The following CLEC12A variants were observed in gnomAD, a reference collection of about 807,000 sequenced individuals.
CLEC12A encodes the protein C-type lectin domain family 12 member A, also known as C-type lectin protein CLL-1.
CLEC12A carries 22 observed loss-of-function variants against 26.5 expected under a neutral mutation model. That is an observed-to-expected ratio of 0.83 (90% CI 0.59 to 1.19). The LOEUF (loss-of-function observed/expected upper bound fraction) is 1.19, where lower values mean the gene tolerates loss of function less well. Among genes scored for constraint, CLEC12A ranks in the 50% most tolerant of loss-of-function variants. The pLI is 0.00. For synonymous variants in CLEC12A, 119 were observed against 101.9 expected, an observed-to-expected ratio of 1.17 and a Z score of -1.01; for missense variants, 353 against 315.6, an observed-to-expected ratio of 1.12 and a Z score of -0.90.
At chr12:9,952,643 G>A (rs1393069211) in intron 1 of CLEC12A, 1 of 158,398 alleles carries the variant, frequency 6.3e-6, no homozygotes, top group African/African-American at 2.5e-5. Flanking sequence ...CCCATCGTCT[G>A]GGATGTGAGG....
At chr12:9,957,513 C>G (rs1413192149) in intron 1 of CLEC12A, among the ~76,000 whole-genome samples, 1 of 146,002 alleles carries the variant, frequency 6.8e-6, no homozygotes. Flanking sequence ...AACAAAAAAA[C>G]AAAAAAAAGG....
At chr12:9,997,582 C>G (rs1346069055), downstream of CLEC12A, among the ~76,000 whole-genome samples, 1 of 152,152 alleles carries the variant, frequency 6.6e-6, no homozygotes, top group Non-Finnish European at 1.5e-5. Context: ...AGCTTCTCAG[C>G]TGAGTTATAG....
intron 1 of CLEC12A, among the ~76,000 whole-genome samples, chr12:9,954,841 TA>T (rs1863716888): frequency 6.6e-6 from 1 of 152,222 alleles, no homozygotes; most frequent in Non-Finnish European, 1.5e-5. Flanking sequence ...AGATCATTTG[TA>T]AAATAAAAAT....
chr12:9,974,141 A>G (rs910297462), intron 1 of CLEC12A, among the ~76,000 whole-genome samples: 2 of 152,122 alleles, frequency 1.3e-5, no homozygotes, highest in Non-Finnish European at 1.5e-5. Flanking sequence ...CAATAGTCAC[A>G]TGTCTCTTCC....
chr12:9,961,813 C>G (rs1863833566), intron 1 of CLEC12A, among the ~76,000 whole-genome samples: 1 of 152,144 alleles, frequency 6.6e-6, no homozygotes, highest in South Asian at 2.1e-4. Flanking sequence ...ACATATGGTT[C>G]AGAAAATGAT....
chr12:9,991,190 A>G (rs1864885520), intron 4 of CLEC12A: 1 of 152,180 alleles, frequency 6.6e-6, no homozygotes, highest in Non-Finnish European at 1.5e-5. Context: ...CAGAAGTCAA[A>G]TTTTGCTGGA....
chr12:9,983,788 G>A (rs1864655930), intron 5 of CLEC12A: 6 of 370,626 alleles, frequency 1.6e-5, no homozygotes, highest in Non-Finnish European at 2.9e-5. Context: ...GTAGGAGTGT[G>A]GGTCAGAAAG....
chr12:9,972,384 T>A (rs996316672), intron 1 of CLEC12A, among the ~76,000 whole-genome samples: 3 of 152,292 alleles, frequency 2.0e-5, no homozygotes, highest in African/African-American at 7.2e-5. Flanking sequence ...GACTTTCACT[T>A]AAACAAAACT....
Position 9,984,882 on chromosome 12 carries a change from C to G in CLEC12A, c.654C>G (p.Asn218Lys), listed in dbSNP as rs759016873. Residue 218 changes from asparagine (N) to lysine (K), a missense_variant, in exon 6 of 6, where the codon AAC (asparagine) becomes AAG (lysine). Coordinates refer to ENST00000304361, the MANE Select transcript of CLEC12A (RefSeq NM_138337.6). Reference protein sequence around the residue: ...IINSSAWVIRNAPDLNNMYCG... With the variant: ...IINSSAWVIRKAPDLNNMYCG... ...CTTTCTCTTTCAGGGTTATAAGAAACGCACCTGACTTAAATAACATGTATT... is the reference window on the plus strand; with the variant it reads ...CTTTCTCTTTCAGGGTTATAAGAAAGGCACCTGACTTAAATAACATGTATT... 6.0e-6 allele frequency: 9 copies of G among 1,508,436 alleles called. No homozygotes were observed. Among genetic ancestry groups the G allele is most frequent in the Non-Finnish European group, 8.0e-6 (9 of 1,126,628 alleles). 93.4% of individuals were successfully genotyped at this position (1,508,436 alleles called of 1,614,324 possible). A position where few individuals can be genotyped will look rare whatever the true frequency, so the allele number is the denominator to read the frequency against.
At chr12:9,977,567 C>T (rs1163277042) in intron 1 of CLEC12A, among the ~76,000 whole-genome samples, 4 of 152,154 alleles carry the variant, frequency 2.6e-5, no homozygotes, top group Non-Finnish European at 5.9e-5. Context: ...GTAATTGCTA[C>T]CTGTAATGTT....
chr12:9,967,160 A>G (rs2922161), upstream of CLEC12A, among the ~76,000 whole-genome samples: 86,414 of 150,626 alleles, frequency 0.57, 25,133 homozygotes, highest in South Asian at 0.72. Context: ...GAGAGGTCAC[A>G]TGGGTTTGTA....
chr12:9,970,300 A>G (rs1053618485), upstream of CLEC12A, among the ~76,000 whole-genome samples: 1 of 151,684 alleles, frequency 6.6e-6, no homozygotes, highest in African/African-American at 2.4e-5. Flanking sequence ...TATCTGTAAT[A>G]TTTTCCTATT....
At chr12:9,984,706 CAATT>C (rs898229049) in intron 5 of CLEC12A, among the ~76,000 whole-genome samples, 160 bp from the exon 6 acceptor site, 43 of 152,128 alleles carry the variant, frequency 2.8e-4, no homozygotes, top group Non-Finnish European at 1.9e-4. Flanking sequence ...TTAACATAAA[CAATT>C]AACTCGGACA....
At chr12:10,001,141 T>C in the CLEC12A span, among the ~76,000 whole-genome samples, 1 of 152,242 alleles carries the variant, frequency 6.6e-6, no homozygotes, top group Non-Finnish European at 1.5e-5. Flanking sequence ...TTTTTGTTTA[T>C]TAACAAAAAC....
chr12:9,993,990 G>T (rs993080864), intron 4 of CLEC12A, among the ~76,000 whole-genome samples: 2 of 151,980 alleles, frequency 1.3e-5, no homozygotes, highest in Non-Finnish European at 2.9e-5. Context: ...GGGCGATACC[G>T]GTAAGAAGCC....
At chr12:9,999,124 G>A (rs1334683172), downstream of CLEC12A, 9 of 1,552,010 alleles carry the variant, frequency 5.8e-6, no homozygotes, top group Non-Finnish European at 7.9e-6. Flanking sequence ...CTGCAACTGA[G>A]CTCAGAGTTC....
intron 1 of CLEC12A, among the ~76,000 whole-genome samples, chr12:9,976,432 G>T (rs1864338742): frequency 6.6e-6 from 1 of 152,146 alleles, no homozygotes; most frequent in Non-Finnish European, 1.5e-5. Flanking sequence ...TTTAAGATTT[G>T]GTGCCCTTTG....
At chr12:9,998,857 T>C (rs1865117081), downstream of CLEC12A, among the ~76,000 whole-genome samples, 1 of 152,192 alleles carries the variant, frequency 6.6e-6, no homozygotes. Context: ...ATATTGGATG[T>C]TTGTAATCTA....
At chr12:9,957,348 T>A (rs2137096645) in intron 1 of CLEC12A, among the ~76,000 whole-genome samples, 1 of 151,634 alleles carries the variant, frequency 6.6e-6, no homozygotes, top group East Asian at 1.9e-4. Flanking sequence ...ATTAGCTGGG[T>A]GTGGTGGTGC....
Sources: allele counts gnomAD v4.1 joint callset (sites outside exome capture counted in the v4.1 genomes callset), GRCh38; gene constraint gnomAD v4.1.1; transcripts MANE v1.5; gene names NCBI Gene and HGNC (gene_info 2026-07-23, HGNC 2026-07-21).